The following ANO1 variants were observed in gnomAD, a reference collection of about 807,000 sequenced individuals.
ANO1 encodes the protein anoctamin 1.
ANO1 carries 59 observed loss-of-function variants against 124.0 expected under a neutral mutation model. The observed-to-expected ratio is 0.48, with a 90% confidence interval of 0.39 to 0.59. ANO1 has a LOEUF of 0.59. Among genes scored for constraint, ANO1 ranks in the 20% least tolerant of loss-of-function variants. The pLI is 0.00. For synonymous variants in ANO1, 529 were observed against 532.0 expected (o/e 0.99, Z 0.08); for missense variants, 1,059 against 1,328.0 (o/e 0.80, Z 3.15).
intron 1 of ANO1, among the ~76,000 whole-genome samples, chr11:69,998,106 C>T (rs560756125): frequency 6.6e-6 from 1 of 152,314 alleles, no homozygotes; most frequent in South Asian, 2.1e-4. Context: ...CAGCTGTGAG[C>T]ATGCATTCAG....
chr11:70,000,913 G>A (rs547188949), intron 1 of ANO1, among the ~76,000 whole-genome samples: 1 of 149,094 alleles, frequency 6.7e-6, no homozygotes, highest in East Asian at 2.0e-4. Context: ...AGCACAAAAG[G>A]GTACATGAGA....
chr11:70,106,106 G>A (rs2045530779), intron 5 of ANO1, among the ~76,000 whole-genome samples: 1 of 152,150 alleles, frequency 6.6e-6, no homozygotes, highest in Non-Finnish European at 1.5e-5. Flanking sequence ...GCCGCCTCGT[G>A]GTGGGATTGT....
At chr11:70,157,724 G>A (rs2047874739) in intron 16 of ANO1, among the ~76,000 whole-genome samples, 1 of 152,132 alleles carries the variant, frequency 6.6e-6, no homozygotes, top group Non-Finnish European at 1.5e-5. Context: ...GGGTGCAGTG[G>A]CTCACACCTG....
chr11:70,131,860 C>G, intron 10 of ANO1, 59 bp from the exon 11 acceptor site: 1 of 1,552,272 alleles, frequency 6.4e-7, no homozygotes, highest in Non-Finnish European at 8.7e-7. Flanking sequence ...GCTCGGCACC[C>G]AGGAGGTGCT....
intron 2 of ANO1, among the ~76,000 whole-genome samples, chr11:70,089,771 G>C (rs552936428): frequency 7.9e-5 from 12 of 152,322 alleles, no homozygotes; most frequent in Admixed American, 4.6e-4. Context: ...GCGAGCAGTG[G>C]ATTCCTGATG....
intron 2 of ANO1, among the ~76,000 whole-genome samples, chr11:70,098,814 G>A (rs897234122): frequency 1.3e-5 from 2 of 152,188 alleles, no homozygotes; most frequent in South Asian, 4.1e-4. Context: ...GGGCTGTAGC[G>A]GGGACCCTCA....
At chr11:70,118,217 A>T (rs1345999300) in intron 8 of ANO1, among the ~76,000 whole-genome samples, 1 of 99,912 alleles carries the variant, frequency 1.0e-5, no homozygotes, top group Admixed American at 1.2e-4. Flanking sequence ...CCCCTCCTCC[A>T]TTCTCCAGCC....
At chr11:70,045,371 A>C (rs1411742089) in intron 1 of ANO1, among the ~76,000 whole-genome samples, 3 of 152,232 alleles carry the variant, frequency 2.0e-5, no homozygotes, top group African/African-American at 7.2e-5. Flanking sequence ...GATGCCCTAG[A>C]AGTAAAATCT....
intron 11 of ANO1, among the ~76,000 whole-genome samples, chr11:70,140,620 GA>G (rs2047118891): frequency 6.6e-6 from 1 of 152,116 alleles, no homozygotes; most frequent in Non-Finnish European, 1.5e-5. Flanking sequence ...AAAGTAAGAG[GA>G]GGACCGTGCC....
chr11:69,974,905 A>AG, the ANO1 span, among the ~76,000 whole-genome samples: 24 of 131,356 alleles, frequency 1.8e-4, no homozygotes, highest in Admixed American at 3.8e-4. Flanking sequence ...AAAAAAAAAA[A>AG]AAGAAGAGAT....
intron 8 of ANO1, among the ~76,000 whole-genome samples, chr11:70,122,503 C>T (rs563402914): frequency 2.0e-5 from 3 of 148,242 alleles, no homozygotes; most frequent in Admixed American, 6.7e-5. Context: ...TCTCTCTCTC[C>T]GTCTCCCTCA....
intron 2 of ANO1, among the ~76,000 whole-genome samples, chr11:70,088,739 G>T (rs1479775882): frequency 6.6e-6 from 1 of 152,070 alleles, no homozygotes. Context: ...AATCGGGGGA[G>T]GGAGGACAAA....
intron 1 of ANO1, among the ~76,000 whole-genome samples, chr11:70,006,474 C>T (rs1295367259): frequency 6.6e-6 from 1 of 152,104 alleles, no homozygotes; most frequent in Non-Finnish European, 1.5e-5. Context: ...TGCTCTCTGC[C>T]CTGAACCCCA....
At chr11:70,016,350 C>G (rs928221766) in intron 1 of ANO1, 1 of 152,228 alleles carries the variant, frequency 6.6e-6, no homozygotes, top group African/African-American at 2.4e-5. Flanking sequence ...TTTCTATGTG[C>G]ATTTTGGCAA....
rs994526768 is a variant in ANO1, at chr11:70,008,132, G to A, written c.58+21966G>A. On this transcript the variant is annotated intron_variant, in intron 1 of 27. Coordinates refer to the ANO1 transcript ENST00000531349. Reference sequence around the variant, plus strand: ...TTGATTTTGTTGTTGTTGAGTTACAGGAGCTCTTTATATATATTAGATATT... The same window carrying A: ...TTGATTTTGTTGTTGTTGAGTTACAAGAGCTCTTTATATATATTAGATATT... 2.6e-5 allele frequency among the ~76,000 whole-genome samples: 4 copies of A among 151,972 alleles called. No individual in the cohort carries two copies. The South Asian group carries it at 6.2e-4, about 24-fold the overall frequency.
Position 70,108,449 on chromosome 11 carries a change from C to T in ANO1, c.799+45C>T, listed in dbSNP as rs754807123. The T allele has an allele frequency of 6.2e-5, 98 of 1,590,496 alleles. 1 individual carries two copies. In the East Asian group the frequency reaches 1.6e-3, roughly 26 times the overall value. On this transcript the variant is annotated intron_variant, in intron 6 of 25. Coordinates refer to ENST00000355303, the MANE Select transcript of ANO1 (RefSeq NM_018043.7). ...TTGAGATCAGCATTGGTTTCCAAGT[C>T]GGAATCTCACCTCCGAGTCATCTCT...
chr11:69,995,087 G>T (rs2120326482), intron 1 of ANO1, among the ~76,000 whole-genome samples: 1 of 123,648 alleles, frequency 8.1e-6, no homozygotes, highest in East Asian at 2.5e-4. Flanking sequence ...CACAAATGCT[G>T]GCACTGTTTT....
intron 22 of ANO1, among the ~76,000 whole-genome samples, chr11:70,178,786 A>C (rs891833394): frequency 6.6e-6 from 1 of 151,852 alleles, no homozygotes; most frequent in Non-Finnish European, 1.5e-5. Context: ...CTGCTCTCGA[A>C]CTCCTGGCTT....
At chr11:70,031,182 T>G (rs1052646600) in intron 1 of ANO1, among the ~76,000 whole-genome samples, 2 of 152,180 alleles carry the variant, frequency 1.3e-5, no homozygotes, top group Non-Finnish European at 2.9e-5. Context: ...TGGTCTTGAG[T>G]GATCCTCCCA....
Sources: allele counts gnomAD v4.1 joint callset (sites outside exome capture counted in the v4.1 genomes callset), GRCh38; gene constraint gnomAD v4.1.1; transcripts MANE v1.5; gene names NCBI Gene and HGNC (gene_info 2026-07-23, HGNC 2026-07-21).